The following GPR180 variants were observed in gnomAD, a reference collection of about 807,000 sequenced individuals.
GPR180 encodes G protein-coupled receptor 180.
A neutral mutation model predicts 52.6 loss-of-function variants in GPR180; 53 were observed. That is an observed-to-expected ratio of 1.01 (90% CI 0.81 to 1.27). The LOEUF is 1.27. GPR180 is among the 50% of genes most tolerant of loss of function. The pLI is 0.00. For synonymous variants in GPR180, 200 were observed against 193.1 expected, an observed-to-expected ratio of 1.04 and a Z score of -0.30; for missense variants, 533 against 527.0, an observed-to-expected ratio of 1.01 and a Z score of -0.11.
At position 94,603,775 on chromosome 13, in the gene GPR180, TAAAATG is replaced by T. The variant is rs145165415; in HGVS notation, c.146-1611_146-1606del. Among the ~76,000 whole-genome samples, 417 of 152,286 alleles carry T rather than the reference TAAAATG, an allele frequency of 2.7e-3. 2 individuals are homozygous for T. The highest frequency in any genetic ancestry group is 9.2e-3 in the African/African-American group (383 of 41,550). On this transcript the variant is annotated intron_variant, in intron 1 of 8. Transcript: ENST00000376958. ...AAATTTCCAGGAGAATAGAAGATCT[TAAAATG>T]AAAAACAGTCTCCTGTCTTAGCTCT...
rs570807308 is a variant in GPR180 at position 94,618,420 on chromosome 13, ATTTTT to A, written c.506-711_506-707del. Among the ~76,000 whole-genome samples the A allele has an allele frequency of 1.5e-3, 132 of 87,044 alleles. 1 individual carries two copies. The highest frequency in any genetic ancestry group is 2.3e-3 in the South Asian group (7 of 3,014). The allele number at this position is 87,044 out of a possible 152,430, so 57.1% of individuals were successfully genotyped here. A position where few individuals can be genotyped will look rare whatever the true frequency, so the allele number is the denominator to read the frequency against. On this transcript the variant is annotated intron_variant, in intron 3 of 8. Coordinates refer to ENST00000376958, the MANE Select transcript of GPR180 (RefSeq NM_180989.6). Reference sequence around the variant, plus strand: ...CATGGAGTCGCATGATCAGCACAGGATTTTTTTTTTTTTTTTTTTTTTTGGCAAGA... The same window carrying A: ...CATGGAGTCGCATGATCAGCACAGGATTTTTTTTTTTTTTTTTTGGCAAGA...
At chr13:94,622,404 A>G (rs949634119) in intron 6 of GPR180, among the ~76,000 whole-genome samples, 2 of 152,348 alleles carry the variant, frequency 1.3e-5, no homozygotes, top group East Asian at 1.9e-4. Flanking sequence ...ACTAGAGTTT[A>G]TATGAACATT....
intron 1 of GPR180, among the ~76,000 whole-genome samples, chr13:94,604,792 G>A (rs1437831575): frequency 6.6e-6 from 1 of 151,590 alleles, no homozygotes; most frequent in Non-Finnish European, 1.5e-5. Context: ...TCCCAGGCTG[G>A]TCTCAAACTC....
intron 1 of GPR180, among the ~76,000 whole-genome samples, chr13:94,602,482 C>CTTTT (rs34288293): frequency 1.2e-4 from 16 of 134,458 alleles, no homozygotes; most frequent in Admixed American, 5.9e-4. Flanking sequence ...CTTAAATTTC[C>CTTTT]TTTTTTTTTT....
Position 94,605,646 on chromosome 13 carries a change from A to G in GPR180, c.304+97A>G, listed in dbSNP as rs1235427818. The G allele has an allele frequency of 1.5e-5, 15 of 979,194 alleles. No homozygotes were observed. In the East Asian group the frequency reaches 4.0e-4, roughly 26 times the overall value. The allele number at this position is 979,194 out of a possible 1,614,324, so 60.7% of individuals were successfully genotyped here. ...ATGTACATATGTTATGTTTCCTGAC[A>G]GCATAATCCCACTGTGATGACACTT... is the stretch of plus-strand genomic sequence containing the variant. On this transcript the variant is annotated intron_variant, in intron 2 of 8. Coordinates refer to ENST00000376958, the MANE Select transcript of GPR180 (RefSeq NM_180989.6).
chr13:94,607,896 T>C (rs1299364060), intron 2 of GPR180, among the ~76,000 whole-genome samples: 1 of 152,244 alleles, frequency 6.6e-6, no homozygotes, highest in Non-Finnish European at 1.5e-5. Context: ...GTAGAATGAA[T>C]AGTCGTAGAC....
At chr13:94,624,988 A>AT (rs1889908161) in intron 7 of GPR180, among the ~76,000 whole-genome samples, 1 of 149,586 alleles carries the variant, frequency 6.7e-6, no homozygotes, top group Admixed American at 6.7e-5. Flanking sequence ...TAATTTCTGC[A>AT]TTTTCAGTAG....
chr13:94,611,208 T>C (rs1365169901), intron 2 of GPR180, among the ~76,000 whole-genome samples: 1 of 152,198 alleles, frequency 6.6e-6, no homozygotes, highest in African/African-American at 2.4e-5. Context: ...TGATCCAGTA[T>C]AATAACTTCT....
rs1408134040 is a variant in GPR180 at position 94,627,259 on chromosome 13, G to A, written c.*88G>A. ...CAGTGACTTTTTTTTCATACATTTA[G>A]TATGAAAACTTGAACAGCGAAAGCA... On this transcript the variant is annotated 3_prime_UTR_variant, in exon 9 of 9. Coordinates refer to ENST00000376958, the MANE Select transcript of GPR180 (RefSeq NM_180989.6). 7 of 1,130,560 alleles carry A rather than the reference G, an allele frequency of 6.2e-6. No homozygotes were observed. The highest frequency in any genetic ancestry group is 1.6e-5 in the African/African-American group (1 of 63,598). 70.0% of individuals were successfully genotyped at this position (1,130,560 alleles called of 1,614,324 possible).
chr13:94,619,184 G>A lies in GPR180; in HGVS notation c.540G>A (p.Val180=), dbSNP rs752918973. 5 of 1,614,056 alleles carry A rather than the reference G, an allele frequency of 3.1e-6. No individual in the cohort carries two copies. Among genetic ancestry groups the A allele is most frequent in the Non-Finnish European group, 4.2e-6 (5 of 1,179,986 alleles). ...AGTTCTTTTTCCTCCTAGTCCTAGT[G>A]TACTTTGTGATTGCTTGCATTTATG... is the stretch of plus-strand genomic sequence containing the variant. ...LHEFFFLLVL[V]YFVIACIYAQ... Residue 180 remains valine (V), a synonymous_variant, in exon 4 of 9, where the codon GTG becomes GTA. Coordinates refer to ENST00000376958, the MANE Select transcript of GPR180 (RefSeq NM_180989.6).
At chr13:94,624,688 A>G (rs759689761) in intron 7 of GPR180, among the ~76,000 whole-genome samples, 1 of 151,396 alleles carries the variant, frequency 6.6e-6, no homozygotes, top group African/African-American at 2.4e-5. Context: ...CTCCCGAGTA[A>G]CTCGCGCCCA....
intron 1 of GPR180, among the ~76,000 whole-genome samples, chr13:94,603,207 A>G (rs1441508425): frequency 1.3e-5 from 2 of 151,978 alleles, no homozygotes; most frequent in African/African-American, 4.8e-5. Flanking sequence ...CAATTTTATT[A>G]TTTTTTGTAA....
chr13:94,623,229 T>C lies in GPR180; in HGVS notation c.1015T>C (p.Cys339Arg). Residue 339 changes from cysteine to arginine, a missense_variant, in exon 7 of 9, where the codon TGT becomes CGT. Cys to Arg is a radical substitution (Grantham distance 180, BLOSUM62 -3). Transcript: ENST00000376958. ...AATTTGCCTAGCATTGTCATTAGGC[T>C]GTGGACTCTATCAGATCATCACAGT... ...LRICLALSLG[C>R]GLYQIITVER... 1 of 1,613,964 alleles carries C rather than the reference T, an allele frequency of 6.2e-7. No homozygotes were observed. The highest frequency in any genetic ancestry group is 8.5e-7 in the Non-Finnish European group (1 of 1,179,834).
At chr13:94,604,814 A>G (rs928774876) in intron 1 of GPR180, among the ~76,000 whole-genome samples, 2 of 151,954 alleles carry the variant, frequency 1.3e-5, no homozygotes, top group African/African-American at 4.8e-5. Flanking sequence ...TGGGCTGGGA[A>G]TCCACCCACC....
At chr13:94,621,592 C>T (rs1594477868) in intron 6 of GPR180, among the ~76,000 whole-genome samples, 1 of 152,100 alleles carries the variant, frequency 6.6e-6, no homozygotes, top group East Asian at 1.9e-4. Context: ...ATGGTAAGTA[C>T]TTAACACTGA....
Position 94,601,977 on chromosome 13 carries a change from C to G in GPR180, c.50C>G (p.Pro17Arg), listed in dbSNP as rs755123054. The G allele has an allele frequency of 4.0e-5, 60 of 1,495,418 alleles. No individual in the cohort carries two copies. The highest frequency in any genetic ancestry group is 5.1e-5 in the Non-Finnish European group (57 of 1,127,656). 92.6% of individuals were successfully genotyped at this position (1,495,418 alleles called of 1,614,324 possible). ...GTGGCCCTCACGTGCTGCTGGTGGCCGCAGGGCAGCCAGGGTAAGACCCTG... is the reference window on the plus strand; with the variant it reads ...GTGGCCCTCACGTGCTGCTGGTGGCGGCAGGGCAGCCAGGGTAAGACCCTG... The part of the protein sequence containing the change: ...LAVALTCCWW[P>R]QGSQGKTLRG... Residue 17 changes from proline (P) to arginine (R), a missense_variant, in exon 1 of 9, where the codon CCG (proline) becomes CGG (arginine). Pro to Arg is a moderately radical substitution (Grantham distance 103, BLOSUM62 -2). Coordinates refer to ENST00000376958, the MANE Select transcript of GPR180 (RefSeq NM_180989.6).
At chr13:94,624,100 C>T (rs1889891817) in intron 7 of GPR180, among the ~76,000 whole-genome samples, 1 of 152,130 alleles carries the variant, frequency 6.6e-6, no homozygotes. Flanking sequence ...TCACTTTATT[C>T]CTCCTTTCTT....
At chr13:94,623,000 T>C (rs1327254872) in intron 6 of GPR180, 109 bp from the exon 7 acceptor site, 1 of 740,224 alleles carries the variant, frequency 1.4e-6, no homozygotes, top group East Asian at 2.7e-5. Flanking sequence ...TATGGTCTGA[T>C]AGGAATGTTT....
intron 8 of GPR180, 26 bp downstream of exon 8, chr13:94,626,069 GT>G (rs1272579460): frequency 6.8e-7 from 1 of 1,478,332 alleles, no homozygotes; most frequent in Admixed American, 1.7e-5. Flanking sequence ...GATCAAAGTA[GT>G]TTTCTTAATG....
Sources: allele counts gnomAD v4.1 joint callset (sites outside exome capture counted in the v4.1 genomes callset), GRCh38; gene constraint gnomAD v4.1.1; transcripts MANE v1.5; gene names NCBI Gene and HGNC (gene_info 2026-07-23, HGNC 2026-07-21).